The following LINGO2 variants were observed in gnomAD, a reference collection of about 807,000 sequenced individuals.
LINGO2 encodes the protein leucine rich repeat and Ig domain containing 2.
LINGO2 carries 14 observed loss-of-function variants against 30.6 expected under a neutral mutation model. That is an observed-to-expected ratio of 0.46 (90% CI 0.30 to 0.72). LINGO2 has a LOEUF of 0.72. Ranked by LOEUF, LINGO2 falls within the 30% of genes least tolerant of loss-of-function variation. LINGO2 has a pLI of 0.07. For synonymous variants in LINGO2, 317 were observed against 288.5 expected (o/e 1.10, Z -1.00); for missense variants, 729 against 751.7 (o/e 0.97, Z 0.35).
chr9:28,003,908 T>C (rs902378152), intron 5 of LINGO2, among the ~76,000 whole-genome samples: 6 of 152,198 alleles, frequency 3.9e-5, no homozygotes, highest in Non-Finnish European at 7.4e-5. Context: ...GTTTGTCTTA[T>C]TTGAACACCA....
the LINGO2 span, among the ~76,000 whole-genome samples, chr9:28,737,745 A>G: frequency 6.6e-6 from 1 of 152,070 alleles, no homozygotes; most frequent in South Asian, 2.1e-4. Flanking sequence ...TCTGACAAAA[A>G]TTATTTTTTT....
At chr9:28,054,073 AGAG>A (rs1470006208) in intron 4 of LINGO2, among the ~76,000 whole-genome samples, 2 of 151,800 alleles carry the variant, frequency 1.3e-5, no homozygotes, top group Non-Finnish European at 2.9e-5. Context: ...ACAAAAAAAA[AGAG>A]AAAGTGGGAT....
the LINGO2 span, among the ~76,000 whole-genome samples, chr9:29,148,160 G>A: frequency 6.6e-6 from 1 of 152,018 alleles, no homozygotes; most frequent in African/African-American, 2.4e-5. Flanking sequence ...GTTTCAATGT[G>A]TATGTCTCCT....
chr9:28,917,367 G>C, the LINGO2 span, among the ~76,000 whole-genome samples: 8 of 151,270 alleles, frequency 5.3e-5, no homozygotes, highest in African/African-American at 1.9e-4. Context: ...CTTTCTCCCA[G>C]TTCTAGGTTT....
At chr9:28,375,961 G>T (rs902050690) in intron 2 of LINGO2, among the ~76,000 whole-genome samples, 1 of 152,064 alleles carries the variant, frequency 6.6e-6, no homozygotes, top group Non-Finnish European at 1.5e-5. Flanking sequence ...AAGGAGAAGC[G>T]TCACTCTCTT....
chr9:28,680,962 T>G, the LINGO2 span, among the ~76,000 whole-genome samples: 1 of 152,100 alleles, frequency 6.6e-6, no homozygotes, highest in South Asian at 2.1e-4. Context: ...ACACCATTAG[T>G]TTATTTTCCC....
At chr9:27,994,734 T>C (rs868306930) in intron 5 of LINGO2, among the ~76,000 whole-genome samples, 3 of 152,134 alleles carry the variant, frequency 2.0e-5, no homozygotes, top group Non-Finnish European at 2.9e-5. Flanking sequence ...TAGTAACTGA[T>C]GGTCCTACAA....
chr9:29,144,883 T>C, the LINGO2 span, among the ~76,000 whole-genome samples: 1 of 152,220 alleles, frequency 6.6e-6, no homozygotes. Flanking sequence ...CATTGAAAAT[T>C]ACTGTGGCTT....
intron 5 of LINGO2, among the ~76,000 whole-genome samples, chr9:27,967,549 T>A (rs1348299374): frequency 6.6e-6 from 1 of 152,130 alleles, no homozygotes; most frequent in African/African-American, 2.4e-5. Context: ...AAATTGATAT[T>A]AATATGAATC....
chr9:28,297,861 G>A lies in LINGO2; in HGVS notation c.-245-2495C>T, dbSNP rs10968465. 0.016 allele frequency among the ~76,000 whole-genome samples: 2,491 copies of A among 152,278 alleles called. 156 individuals are homozygous for A. In the East Asian group the frequency reaches 0.2, roughly 12 times the overall value. On this transcript the variant is annotated intron_variant, in intron 3 of 5. Coordinates refer to ENST00000379992, the Ensembl canonical transcript of LINGO2. The stretch of plus-strand genomic sequence containing the variant: ...TCCAACTGTTGTGTAAGGAATTACA[G>A]TACAATCCTGTGTGCTCTGCATCAC...
chr9:28,699,824 C>A, the LINGO2 span, among the ~76,000 whole-genome samples: 2 of 151,952 alleles, frequency 1.3e-5, no homozygotes, highest in African/African-American at 2.4e-5. Flanking sequence ...CTGAGATAAG[C>A]CCTGGTCTCC....
the LINGO2 span, among the ~76,000 whole-genome samples, chr9:28,751,404 G>T: frequency 2.6e-5 from 4 of 151,092 alleles, no homozygotes; most frequent in South Asian, 8.3e-4. Context: ...TATGTCAATT[G>T]CCCAGCTAGG....
At chr9:28,380,967 TA>T (rs1329478558) in intron 2 of LINGO2, among the ~76,000 whole-genome samples, 1 of 152,038 alleles carries the variant, frequency 6.6e-6, no homozygotes, top group Non-Finnish European at 1.5e-5. Flanking sequence ...CTTGAGTATG[TA>T]TTTCTTTCTC....
At chr9:28,784,705 G>A in the LINGO2 span, among the ~76,000 whole-genome samples, 76 of 152,248 alleles carry the variant, frequency 5.0e-4, no homozygotes, top group East Asian at 0.011. Flanking sequence ...TGTAATCCCA[G>A]CACTTTGGGA....
chr9:28,791,988 G>A, the LINGO2 span, among the ~76,000 whole-genome samples: 5 of 150,936 alleles, frequency 3.3e-5, no homozygotes, highest in African/African-American at 1.2e-4. Flanking sequence ...AAATACACTT[G>A]TGTATACAGT....
the LINGO2 span, among the ~76,000 whole-genome samples, chr9:28,789,275 A>G: frequency 6.6e-6 from 1 of 152,324 alleles, no homozygotes; most frequent in South Asian, 2.1e-4. Context: ...AAAGAGGAAT[A>G]GTTCATAATT....
intron 4 of LINGO2, among the ~76,000 whole-genome samples, chr9:28,109,484 A>G (rs866128615): frequency 9.2e-5 from 14 of 152,180 alleles, no homozygotes; most frequent in African/African-American, 2.7e-4. Context: ...ATGATTCTAT[A>G]TTTAGAAAAC....
intron 4 of LINGO2, among the ~76,000 whole-genome samples, chr9:28,246,366 G>A (rs1206352449): frequency 1.3e-5 from 2 of 152,188 alleles, no homozygotes; most frequent in African/African-American, 4.8e-5. Flanking sequence ...GGCGGAGTTT[G>A]CAGTGAGCCG....
chr9:28,190,211 C>G (rs574090950), intron 4 of LINGO2, among the ~76,000 whole-genome samples: 1 of 152,152 alleles, frequency 6.6e-6, no homozygotes, highest in Admixed American at 6.5e-5. Flanking sequence ...CATAAATGGG[C>G]TTTAAGGGTT....
Sources: allele counts gnomAD v4.1 joint callset (sites outside exome capture counted in the v4.1 genomes callset), GRCh38; gene constraint gnomAD v4.1.1; transcripts MANE v1.5; gene names NCBI Gene and HGNC (gene_info 2026-07-23, HGNC 2026-07-21).